Variants in GRIP1 observed in about 807,000 individuals in gnomAD.
GRIP1 encodes glutamate receptor interacting protein 1, also known as glutamate receptor-interacting protein 1.
GRIP1 carries 45 observed loss-of-function variants against 129.9 expected under a neutral mutation model. The observed-to-expected ratio is 0.35, with a 90% CI of 0.27 to 0.44. The LOEUF is 0.44. GRIP1 is among the 20% of genes least tolerant of loss of function. The probability of loss-of-function intolerance (pLI) is 1.00; values close to 1 mark genes in which losing one functional copy is unlikely to be tolerated. For missense variants in GRIP1, 1,196 were observed against 1,396.8 expected, an observed-to-expected ratio of 0.86 and a Z score of 2.29; for synonymous variants, 530 against 520.8, an observed-to-expected ratio of 1.02 and a Z score of -0.24.
At chr12:66,653,001 G>C (rs2032909196) in intron 1 of GRIP1, among the ~76,000 whole-genome samples, 1 of 152,164 alleles carries the variant, frequency 6.6e-6, no homozygotes, top group Admixed American at 6.5e-5. Flanking sequence ...AAGAGTACAA[G>C]AGTAAAGAGT....
chr12:66,699,205 C>G (rs1700831832), intron 1 of GRIP1, among the ~76,000 whole-genome samples: 1 of 152,162 alleles, frequency 6.6e-6, no homozygotes, highest in South Asian at 2.1e-4. Context: ...GTGTCCCAGA[C>G]AGACATATAT....
At position 66,801,138 on chromosome 12, in the gene GRIP1, T is replaced by C. The variant is rs2038846038; in HGVS notation, c.-420+2915A>G. Among the ~76,000 whole-genome samples, 5 of 152,268 alleles carry C rather than the reference T, an allele frequency of 3.3e-5. No homozygotes were observed. In the South Asian group the frequency reaches 1.0e-3, roughly 32 times the overall value. On this transcript the variant is annotated intron_variant, in intron 1 of 4. Transcript: ENST00000538373. ...GTTCAAAATATATACAATATAGTTC[T>C]ATAACTGGGAAAAGCTTTAGGGACA...
At chr12:66,639,101 T>C (rs1222556649) in intron 1 of GRIP1, among the ~76,000 whole-genome samples, 1 of 152,192 alleles carries the variant, frequency 6.6e-6, no homozygotes, top group Non-Finnish European at 1.5e-5. Context: ...CAGATATACA[T>C]ATATACATAT....
At chr12:66,978,043 A>C (rs1418839063) in intron 1 of GRIP1, among the ~76,000 whole-genome samples, 3 of 151,836 alleles carry the variant, frequency 2.0e-5, no homozygotes, top group Non-Finnish European at 2.9e-5. Context: ...AGTGGTCTCA[A>C]ACTCTTGAGC....
chr12:67,054,171 A>C (rs1486487656), intron 1 of GRIP1, among the ~76,000 whole-genome samples: 1 of 152,254 alleles, frequency 6.6e-6, no homozygotes, highest in Non-Finnish European at 1.5e-5. Flanking sequence ...CTCAAATGTA[A>C]ACCCTAAAAG....
intron 1 of GRIP1, among the ~76,000 whole-genome samples, chr12:66,713,726 C>T (rs2035783414): frequency 6.6e-6 from 1 of 151,962 alleles, no homozygotes; most frequent in African/African-American, 2.4e-5. Context: ...AGACTGTTTA[C>T]TTTATACCTG....
chr12:66,402,776 A>C (rs1321781485), intron 16 of GRIP1, among the ~76,000 whole-genome samples: 1 of 152,250 alleles, frequency 6.6e-6, no homozygotes, highest in Non-Finnish European at 1.5e-5. Context: ...TTAATGTGAT[A>C]GTTCTAATCA....
At chr12:66,607,820 T>C (rs1056979083) in intron 1 of GRIP1, among the ~76,000 whole-genome samples, 5 of 152,146 alleles carry the variant, frequency 3.3e-5, no homozygotes, top group African/African-American at 1.2e-4. Flanking sequence ...GAAACCAAGG[T>C]GATTAACCCA....
At chr12:66,595,432 C>A (rs910960180) in intron 2 of GRIP1, among the ~76,000 whole-genome samples, 1 of 152,140 alleles carries the variant, frequency 6.6e-6, no homozygotes, top group African/African-American at 2.4e-5. Context: ...TGCTTAGTAT[C>A]CCATAGAGTT....
At chr12:66,453,141 A>AT (rs2138207532) in intron 11 of GRIP1, among the ~76,000 whole-genome samples, 1 of 152,350 alleles carries the variant, frequency 6.6e-6, no homozygotes, top group East Asian at 1.9e-4. Context: ...TTGGTTATGC[A>AT]TATCAGTGAC....
intron 1 of GRIP1, among the ~76,000 whole-genome samples, chr12:66,837,737 C>T (rs554190652): frequency 4.7e-4 from 72 of 152,130 alleles, no homozygotes; most frequent in Non-Finnish European, 8.4e-4. Flanking sequence ...AGAAGCCTAT[C>T]GCAATGGTCC....
rs751518904 is a variant in GRIP1, at chr12:66,392,385, G to A, written c.2387C>T (p.Pro796Leu). 2 of 1,613,780 alleles carry A rather than the reference G, an allele frequency of 1.2e-6. No individual in the cohort carries two copies. The highest frequency in any genetic ancestry group is 1.7e-6 in the Non-Finnish European group (2 of 1,179,696). The change falls in exon 19 of 25, where the codon CCC becomes CTC. Residue 796 changes from proline to leucine, a missense_variant. Pro to Leu is a moderately conservative substitution (Grantham distance 98). This residue lies in a region of GRIP1 where 427 missense variants were observed against 463.3 expected (regional missense o/e 0.92). Coordinates refer to ENST00000359742, the MANE Select transcript of GRIP1 (RefSeq NM_001366722.1). ...QKPGKLSDMY[P>L]STVPSVDSAV... Reference sequence around the variant, plus strand: ...ACTGTCCACACTGGGCACCGTGGAGGGGTACATGTCGGAGAGCTTGCCTGG... The same window carrying A: ...ACTGTCCACACTGGGCACCGTGGAGAGGTACATGTCGGAGAGCTTGCCTGG...
At chr12:66,390,581 C>T (rs1438387789) in intron 19 of GRIP1, among the ~76,000 whole-genome samples, 1 of 152,150 alleles carries the variant, frequency 6.6e-6, no homozygotes, top group Non-Finnish European at 1.5e-5. Flanking sequence ...GGTCCTGTGT[C>T]TGTGGTTTCA....
chr12:66,393,576 T>C (rs2056676511), intron 17 of GRIP1, among the ~76,000 whole-genome samples: 1 of 152,154 alleles, frequency 6.6e-6, no homozygotes, highest in Non-Finnish European at 1.5e-5. Context: ...ACAATGCATT[T>C]GTGTATTCCT....
chr12:66,900,945 A>T (rs1308819372), intron 1 of GRIP1, among the ~76,000 whole-genome samples: 1 of 152,208 alleles, frequency 6.6e-6, no homozygotes, highest in Admixed American at 6.5e-5. Context: ...TAAATCCTGC[A>T]TGTTTTTTGA....
intron 1 of GRIP1, among the ~76,000 whole-genome samples, chr12:67,009,450 T>C (rs905695): frequency 0.032 from 4,936 of 152,252 alleles, 189 homozygotes; most frequent in Admixed American, 0.077. Context: ...AGCAGTACTA[T>C]CTTTTATCAT....
intron 1 of GRIP1, among the ~76,000 whole-genome samples, chr12:66,815,089 T>C (rs181578454): frequency 6.6e-6 from 1 of 152,358 alleles, no homozygotes; most frequent in Admixed American, 6.5e-5. Flanking sequence ...TAGATATTTA[T>C]ATCCTTTATA....
At chr12:66,839,005 G>A (rs2039667126) in intron 1 of GRIP1, among the ~76,000 whole-genome samples, 1 of 152,136 alleles carries the variant, frequency 6.6e-6, no homozygotes, top group Admixed American at 6.6e-5. Context: ...AGACTTGAAT[G>A]TTTTATAGCA....
intron 7 of GRIP1, among the ~76,000 whole-genome samples, chr12:66,495,373 G>C (rs1022296068): frequency 5.3e-5 from 8 of 152,132 alleles, no homozygotes; most frequent in African/African-American, 1.9e-4. Context: ...ATTTGCATGT[G>C]CCGTTCCACT....
Sources: gnomAD v4.1 joint callset for allele counts (sites outside exome capture counted in the v4.1 genomes callset) on GRCh38, gnomAD v4.1.1 for gene constraint, gnomAD v4.1.1 regional missense constraint, MANE v1.5 for transcripts, NCBI Gene and HGNC (gene_info 2026-07-23, HGNC 2026-07-21) for gene names.